The following LRBA variants were observed in gnomAD, a reference collection of about 807,000 sequenced individuals.
LRBA encodes the protein LPS responsive beige-like anchor protein, also known as lipopolysaccharide-responsive and beige-like anchor protein.
Under a neutral mutation model 330.0 loss-of-function variants are expected in LRBA, and 176 were observed. The observed-to-expected ratio is 0.53, with a 90% CI of 0.47 to 0.60. LRBA has a LOEUF of 0.60. Among genes scored for constraint, LRBA ranks in the 20% least tolerant of loss-of-function variants. The pLI, the probability that LRBA is intolerant of heterozygous loss-of-function variation, is 0.00. For synonymous variants in LRBA, 1,230 were observed against 1,193.0 expected, an observed-to-expected ratio of 1.03 and a Z score of -0.64; for missense variants, 3,259 against 3,444.8, an observed-to-expected ratio of 0.95 and a Z score of 1.35.
intron 40 of LRBA, among the ~76,000 whole-genome samples, chr4:150,539,054 C>T (rs1259570292): frequency 6.6e-6 from 1 of 151,980 alleles, no homozygotes; most frequent in Admixed American, 6.6e-5. Flanking sequence ...CAGTTCACTG[C>T]AACCTCTGCC....
rs142683524 is a variant in LRBA at position 150,525,824 on chromosome 4, G to A, written c.6331-34789C>T. ...TGCTAGGTTGTAGGCAAGGAAAGCCGTTACAGACATACATCTCTTTCCATA... is the reference window on the plus strand; with the variant it reads ...TGCTAGGTTGTAGGCAAGGAAAGCCATTACAGACATACATCTCTTTCCATA... On this transcript the variant is annotated intron_variant, in intron 40 of 56. Coordinates refer to ENST00000651943, the MANE Select transcript of LRBA (RefSeq NM_001364905.1). Among the ~76,000 whole-genome samples, 183 of 152,098 alleles carry A rather than the reference G, an allele frequency of 1.2e-3. 4 individuals are homozygous for A. Among genetic ancestry groups the A allele is most frequent in the African/African-American group, 4.3e-3 (178 of 41,524 alleles).
intron 37 of LRBA, among the ~76,000 whole-genome samples, chr4:150,675,868 T>G (rs1782496179): frequency 6.6e-6 from 1 of 152,170 alleles, no homozygotes. Context: ...GCCTAGATAT[T>G]AACATATAAA....
chr4:150,292,297 A>G (rs924251108), intron 53 of LRBA, among the ~76,000 whole-genome samples: 5 of 152,292 alleles, frequency 3.3e-5, no homozygotes, highest in Admixed American at 3.3e-4. Context: ...TCTGACATGT[A>G]TTTTCTGGCA....
At chr4:150,825,906 A>AT (rs1746192471) in intron 30 of LRBA, among the ~76,000 whole-genome samples, 1 of 152,156 alleles carries the variant, frequency 6.6e-6, no homozygotes, top group African/African-American at 2.4e-5. Context: ...TTAATCCCGC[A>AT]TAAGAACTAT....
chr4:150,574,074 G>GA (rs957124423), intron 40 of LRBA, among the ~76,000 whole-genome samples: 39 of 151,800 alleles, frequency 2.6e-4, no homozygotes, highest in Middle Eastern at 3.4e-3. Flanking sequence ...ATATTTAAGG[G>GA]AAAAAAACAT....
At chr4:150,613,951 C>T (rs1055959726) in intron 37 of LRBA, among the ~76,000 whole-genome samples, 2 of 152,200 alleles carry the variant, frequency 1.3e-5, no homozygotes, top group Admixed American at 6.5e-5. Flanking sequence ...AAGACCACCC[C>T]GCTAGCCCTT....
chr4:150,841,436 C>T (rs934827754), intron 28 of LRBA, among the ~76,000 whole-genome samples: 1 of 152,066 alleles, frequency 6.6e-6, no homozygotes, highest in African/African-American at 2.4e-5. Flanking sequence ...GTAGGCCAGG[C>T]ACTGTGCTAT....
intron 2 of LRBA, among the ~76,000 whole-genome samples, chr4:150,945,822 TG>T (rs1394669097): frequency 2.0e-5 from 3 of 151,808 alleles, no homozygotes; most frequent in Non-Finnish European, 2.9e-5. Flanking sequence ...TTTTTTTAGA[TG>T]GAGTCTCGCT....
At chr4:150,771,082 ATTG>A (rs1044818664) in intron 34 of LRBA, among the ~76,000 whole-genome samples, 5 of 152,184 alleles carry the variant, frequency 3.3e-5, no homozygotes, top group African/African-American at 1.2e-4. Context: ...CAATGGAATC[ATTG>A]TTGTGCCTCC....
At chr4:150,516,640 A>T (rs1762391812) in intron 40 of LRBA, among the ~76,000 whole-genome samples, 1 of 152,084 alleles carries the variant, frequency 6.6e-6, no homozygotes, top group Admixed American at 6.6e-5. Flanking sequence ...CCAGCATTTT[A>T]AAAATGCTGA....
At chr4:150,470,778 T>A (rs1289922158) in intron 43 of LRBA, among the ~76,000 whole-genome samples, 2 of 151,920 alleles carry the variant, frequency 1.3e-5, no homozygotes, top group African/African-American at 4.8e-5. Context: ...CCTTGTGAAT[T>A]CTTATAGAAT....
chr4:150,623,779 C>T (rs926588158), intron 37 of LRBA, among the ~76,000 whole-genome samples: 1 of 151,892 alleles, frequency 6.6e-6, no homozygotes, highest in African/African-American at 2.4e-5. Context: ...GAATGTTCCC[C>T]ACCTAGATAA....
intron 55 of LRBA, 47 bp downstream of exon 55, chr4:150,282,403 C>T (rs772089640): frequency 1.7e-4 from 269 of 1,538,800 alleles, no homozygotes; most frequent in Non-Finnish European, 2.1e-4. Flanking sequence ...ACTTGACACA[C>T]GTTGAGGTAA....
At position 150,756,697 on chromosome 4, in the gene LRBA, A is replaced by C. The variant is rs1458239490; in HGVS notation, c.5645+5086T>G. Among the ~76,000 whole-genome samples the C allele has an allele frequency of 2.0e-5, 3 of 152,186 alleles. No homozygotes were observed. The East Asian group carries it at 5.8e-4, about 29-fold the overall frequency. ...TACATAACAATGTAACCTACACCAC[A>C]TCTAAATTTAGTATAACACTGAATC... On this transcript the variant is annotated intron_variant, in intron 35 of 56. Coordinates refer to ENST00000651943, the MANE Select transcript of LRBA (RefSeq NM_001364905.1).
rs1581760702 is a variant in LRBA, at chr4:150,590,924, G to A, written c.6047-65C>T. The A allele has an allele frequency of 2.0e-6, 3 of 1,529,614 alleles. No homozygotes were observed. In the East Asian group the frequency reaches 6.8e-5, roughly 35 times the overall value. 94.8% of individuals were successfully genotyped at this position (1,529,614 alleles called of 1,614,324 possible). A position where few individuals can be genotyped will look rare whatever the true frequency, so the allele number is the denominator to read the frequency against. On this transcript the variant is annotated intron_variant, in intron 38 of 56. Transcript: ENST00000651943. ...GAAGAGCACTTCGGCAGAGGGGTAG[G>A]GGCTTAGGTAAGGGTAGGTGGCCAA...
rs753653990 is a variant in LRBA at position 150,415,492 on chromosome 4, G to A, written c.7140C>T (p.Val2380=). Residue 2380 remains valine, a synonymous_variant, in exon 47 of 57, where the codon GTC becomes GTT. Coordinates refer to ENST00000651943, the MANE Select transcript of LRBA (RefSeq NM_001364905.1). Reference sequence around the variant, plus strand: ...AGGTTTTGGCCCAAGGAGGAAGTTCGACATCAGACACTACTGTCCCATCAT... The same window carrying A: ...AGGTTTTGGCCCAAGGAGGAAGTTCAACATCAGACACTACTGTCCCATCAT... ...VMDDGTVVSD[V]ELPPWAKTSE... The A allele has an allele frequency of 6.8e-6, 11 of 1,612,330 alleles. No individual in the cohort carries two copies. The highest frequency in any genetic ancestry group is 5.3e-5 in the African/African-American group (4 of 74,876).
intron 47 of LRBA, among the ~76,000 whole-genome samples, chr4:150,372,419 G>A (rs181696975): frequency 2.6e-5 from 4 of 151,868 alleles, no homozygotes; most frequent in South Asian, 4.2e-4. Flanking sequence ...AGACCAGCCT[G>A]AGCAACATGG....
At chr4:151,006,220 G>A (rs1490810335) in intron 2 of LRBA, among the ~76,000 whole-genome samples, 5 of 152,060 alleles carry the variant, frequency 3.3e-5, no homozygotes, top group South Asian at 4.1e-4. Context: ...TCAGCTACTC[G>A]GGAAGCTGAG....
intron 44 of LRBA, among the ~76,000 whole-genome samples, chr4:150,457,127 CAAT>C (rs1380365254): frequency 6.6e-6 from 1 of 152,040 alleles, no homozygotes. Context: ...ATTGCTCCCA[CAAT>C]AATATGATTT....
Sources: gnomAD v4.1 joint callset for allele counts (sites outside exome capture counted in the v4.1 genomes callset) on GRCh38, gnomAD v4.1.1 for gene constraint, MANE v1.5 for transcripts, NCBI Gene and HGNC (gene_info 2026-07-23, HGNC 2026-07-21) for gene names.